The following PDLIM5 variants were observed in gnomAD, a reference collection of about 807,000 sequenced individuals.
PDLIM5 encodes PDZ and LIM domain 5, also known as PDZ and LIM domain protein 5.
A neutral mutation model predicts 64.2 loss-of-function variants in PDLIM5; 34 were observed. The observed-to-expected ratio is 0.53, with a 90% CI of 0.40 to 0.71. The LOEUF (loss-of-function observed/expected upper bound fraction) is 0.71, where lower values mean the gene tolerates loss of function less well. Ranked by LOEUF, PDLIM5 falls within the 30% of genes least tolerant of loss-of-function variation. The pLI is 0.00. For missense variants in PDLIM5, 683 were observed against 733.6 expected (o/e 0.93, Z 0.80); for synonymous variants, 253 against 269.1 (o/e 0.94, Z 0.59).
At chr4:94,598,410 A>C (rs373092024) in intron 7 of PDLIM5, among the ~76,000 whole-genome samples, 30 of 152,230 alleles carry the variant, frequency 2.0e-4, no homozygotes, top group African/African-American at 7.0e-4. Flanking sequence ...AATCAACTGA[A>C]GACTCACTGA....
intron 7 of PDLIM5, chr4:94,587,724 A>G: frequency 1.0e-6 from 1 of 984,664 alleles, no homozygotes; most frequent in Non-Finnish European, 1.2e-6. Context: ...CCCTATTTGC[A>G]ATGGAGAAAT....
chr4:94,625,667 A>T (rs1739630884), intron 8 of PDLIM5, among the ~76,000 whole-genome samples: 1 of 151,990 alleles, frequency 6.6e-6, no homozygotes, highest in Non-Finnish European at 1.5e-5. Flanking sequence ...GTTAGCCAGG[A>T]TGGTCTCGAT....
At chr4:94,515,657 C>T (rs1452020748) in intron 2 of PDLIM5, among the ~76,000 whole-genome samples, 2 of 152,180 alleles carry the variant, frequency 1.3e-5, no homozygotes, top group South Asian at 2.1e-4. Context: ...TGGTCCCACT[C>T]AATGGAATAT....
chr4:94,562,107 C>A (rs1733902501), intron 3 of PDLIM5, among the ~76,000 whole-genome samples: 1 of 152,092 alleles, frequency 6.6e-6, no homozygotes, highest in Non-Finnish European at 1.5e-5. Flanking sequence ...TATGAATGGG[C>A]TTTTTCACTG....
At chr4:94,518,252 GGTTT>G (rs1729536087) in intron 2 of PDLIM5, among the ~76,000 whole-genome samples, 1 of 152,126 alleles carries the variant, frequency 6.6e-6, no homozygotes. Context: ...AAGCTCTATT[GGTTT>G]GTTTGTGATA....
chr4:94,561,200 G>C (rs1035618053), intron 3 of PDLIM5, among the ~76,000 whole-genome samples: 2 of 152,120 alleles, frequency 1.3e-5, no homozygotes, highest in African/African-American at 4.8e-5. Context: ...GAATGAGGAA[G>C]AACACTGCAT....
chr4:94,528,701 A>G (rs966207888), intron 3 of PDLIM5, among the ~76,000 whole-genome samples: 2 of 152,188 alleles, frequency 1.3e-5, no homozygotes, highest in African/African-American at 4.8e-5. Flanking sequence ...CTCTGCTTTC[A>G]TAGTACTGAC....
intron 2 of PDLIM5, among the ~76,000 whole-genome samples, chr4:94,494,431 TG>T (rs1727160889): frequency 1.9e-5 from 2 of 102,904 alleles, no homozygotes; most frequent in African/African-American, 3.4e-5. Flanking sequence ...TTTTTTTTCT[TG>T]TTTTTTTTTT....
chr4:94,453,202 G>A (rs1723022192), intron 1 of PDLIM5, among the ~76,000 whole-genome samples: 1 of 152,276 alleles, frequency 6.6e-6, no homozygotes, highest in East Asian at 1.9e-4. Flanking sequence ...AGAGTATGCT[G>A]CTATTTCCTG....
chr4:94,574,275 A>G (rs1189810694), intron 4 of PDLIM5, among the ~76,000 whole-genome samples: 2 of 152,152 alleles, frequency 1.3e-5, no homozygotes, highest in African/African-American at 2.4e-5. Flanking sequence ...AGGCAGGCGG[A>G]TCACCTGAGG....
chr4:94,561,090 C>T (rs533379754), intron 3 of PDLIM5, among the ~76,000 whole-genome samples: 6 of 152,184 alleles, frequency 3.9e-5, no homozygotes, highest in South Asian at 4.1e-4. Flanking sequence ...GTATTAGTGT[C>T]GGGTTTATTT....
intron 3 of PDLIM5, among the ~76,000 whole-genome samples, chr4:94,554,371 CT>C (rs1733070821): frequency 6.6e-6 from 1 of 152,152 alleles, no homozygotes; most frequent in African/African-American, 2.4e-5. Context: ...AAAAAAGAAA[CT>C]CATCTGCCCT....
At chr4:94,479,924 C>T (rs1308331990) in intron 2 of PDLIM5, among the ~76,000 whole-genome samples, 2 of 152,154 alleles carry the variant, frequency 1.3e-5, no homozygotes, top group Admixed American at 1.3e-4. Flanking sequence ...CACTGCCTTT[C>T]ACCAGCTTTC....
intron 3 of PDLIM5, among the ~76,000 whole-genome samples, chr4:94,556,722 C>T (rs1466540281): frequency 1.3e-5 from 2 of 152,178 alleles, no homozygotes; most frequent in Non-Finnish European, 2.9e-5. Flanking sequence ...CATGTCTGCT[C>T]ATATCCTTCA....
intron 2 of PDLIM5, among the ~76,000 whole-genome samples, chr4:94,492,327 C>T (rs1493109): frequency 0.58 from 87,586 of 151,176 alleles, 27,795 homozygotes; most frequent in African/African-American, 0.85. Context: ...TTCTCTCTTT[C>T]TGATTGGAAT....
chr4:94,462,176 G>T (rs547899478), intron 2 of PDLIM5, among the ~76,000 whole-genome samples: 21 of 152,120 alleles, frequency 1.4e-4, no homozygotes, highest in Admixed American at 1.4e-3. Context: ...TTTTCTTTAG[G>T]TAAGACATTC....
chr4:94,585,487 A>T, intron 5 of PDLIM5, 78 bp from the exon 6 acceptor site: 4 of 795,140 alleles, frequency 5.0e-6, no homozygotes, highest in Non-Finnish European at 7.3e-6. Context: ...TATAAATTAT[A>T]AATAATTTAG....
chr4:94,666,183 G>A lies in PDLIM5; in HGVS notation c.*2116G>A. ...ATGTTTGTTATAGAGGAGGTTTTAGGCTACAATATTTGTTTAACCTCCCTA... is the reference window on the plus strand; with the variant it reads ...ATGTTTGTTATAGAGGAGGTTTTAGACTACAATATTTGTTTAACCTCCCTA... On this transcript the variant is annotated 3_prime_UTR_variant, in exon 13 of 13. Coordinates refer to ENST00000317968, the MANE Select transcript of PDLIM5 (RefSeq NM_006457.5). 1 of 579,404 alleles carries A rather than the reference G, an allele frequency of 1.7e-6. No homozygotes were observed. Among genetic ancestry groups the A allele is most frequent in the Non-Finnish European group, 2.9e-6 (1 of 344,928 alleles). 35.9% of individuals were successfully genotyped at this position (579,404 alleles called of 1,614,324 possible).
intron 3 of PDLIM5, among the ~76,000 whole-genome samples, chr4:94,566,502 T>A (rs1734331876): frequency 6.6e-6 from 1 of 152,210 alleles, no homozygotes. Context: ...AGGTGCCTTC[T>A]ATCACTGCTT....
Sources: allele counts gnomAD v4.1 joint callset (sites outside exome capture counted in the v4.1 genomes callset), GRCh38; gene constraint gnomAD v4.1.1; transcripts MANE v1.5; gene names NCBI Gene and HGNC (gene_info 2026-07-23, HGNC 2026-07-21).